Variants in UBE3A observed in about 807,000 individuals in gnomAD.
UBE3A encodes the protein ubiquitin protein ligase E3A, also known as ubiquitin-protein ligase E3A.
UBE3A carries 6 observed loss-of-function variants against 83.4 expected under a neutral mutation model. The ratio of observed to expected loss-of-function variants is 0.07; its 90% CI spans 0.04 to 0.14. UBE3A has a LOEUF of 0.14. Ranked by LOEUF, UBE3A falls within the 10% of genes least tolerant of loss-of-function variation. The pLI is 1.00. For synonymous variants in UBE3A, 337 were observed against 355.4 expected (o/e 0.95, Z 0.58); for missense variants, 456 against 1,036.1 (o/e 0.44, Z 7.69).
chr15:25,403,567 T>TA (rs1323275758), intron 4 of UBE3A, among the ~76,000 whole-genome samples: 1 of 152,048 alleles, frequency 6.6e-6, no homozygotes, highest in Non-Finnish European at 1.5e-5. Flanking sequence ...CTCAAAATTT[T>TA]AAAAATAAAA....
Position 25,370,989 on chromosome 15 carries a change from T to A in UBE3A, c.1185A>T (p.Glu395Asp), listed in dbSNP as rs114056442. The A allele has an allele frequency of 1.2e-6, 2 of 1,614,122 alleles. No homozygotes were observed. Among genetic ancestry groups the A allele is most frequent in the Non-Finnish European group, 1.7e-6 (2 of 1,180,006 alleles). The change falls in exon 6 of 13, where the codon GAA becomes GAT. Residue 395 changes from glutamate to aspartate, a missense_variant. Glu to Asp is a conservative substitution (Grantham distance 45). Coordinates refer to ENST00000648336, the MANE Select transcript of UBE3A (RefSeq NM_130839.5). The surrounding 1 kb of genome is among the most constrained non-coding windows in gnomAD (Gnocchi z 4.2). ...GCTCGCTGGACTCAGGGATGGGCTC[T>A]TCATCATCTTCTTCATTGTGATTTG... is the stretch of plus-strand genomic sequence containing the variant. ...VDTNHNEEDD[E>D]EPIPESSELT...
At chr15:25,433,120 C>T (rs1298636956) in intron 1 of UBE3A, among the ~76,000 whole-genome samples, 3 of 151,926 alleles carry the variant, frequency 2.0e-5, no homozygotes, top group African/African-American at 7.3e-5. Context: ...ATCCATTGTC[C>T]ATGTCAAATG....
chr15:25,425,543 A>G (rs61998996), intron 1 of UBE3A, among the ~76,000 whole-genome samples: 38,829 of 152,036 alleles, frequency 0.26, 6,109 homozygotes, highest in South Asian at 0.41. Flanking sequence ...AGCTGTATGT[A>G]TATCAGTACT....
intron 4 of UBE3A, among the ~76,000 whole-genome samples, chr15:25,402,017 TG>T (rs1470518573): frequency 3.1e-4 from 47 of 152,210 alleles, no homozygotes; most frequent in African/African-American, 1.1e-3. Flanking sequence ...TTGAATTCTT[TG>T]TCAGGCAGTT....
At chr15:25,349,640 A>C (rs1203830018) in intron 11 of UBE3A, among the ~76,000 whole-genome samples, 1 of 152,190 alleles carries the variant, frequency 6.6e-6, no homozygotes, top group Admixed American at 6.5e-5. Context: ...AATTTCATAG[A>C]TACAATACTC....
chr15:25,348,183 A>C (rs570785532), intron 11 of UBE3A, among the ~76,000 whole-genome samples: 1 of 152,314 alleles, frequency 6.6e-6, no homozygotes, highest in East Asian at 1.9e-4. Flanking sequence ...TAGAGCCTCA[A>C]AATAAATGAA....
intron 1 of UBE3A, chr15:25,412,921 T>C: frequency 5.2e-6 from 2 of 385,228 alleles, no homozygotes; most frequent in Non-Finnish European, 1.0e-5. Context: ...ATTCAGTGCA[T>C]GAAGTAGGGG....
intron 1 of UBE3A, among the ~76,000 whole-genome samples, chr15:25,423,693 T>C (rs754797456): frequency 9.3e-4 from 141 of 152,060 alleles, no homozygotes; most frequent in Admixed American, 2.7e-3. Context: ...TTTCCTCTTT[T>C]CCCCCCACAA....
intron 4 of UBE3A, among the ~76,000 whole-genome samples, chr15:25,398,082 T>A (rs935122832): frequency 7.0e-6 from 1 of 143,782 alleles, no homozygotes; most frequent in African/African-American, 2.6e-5. Context: ...GGCAGGAGAA[T>A]CATTTGAACC....
rs1372795466 is a variant in UBE3A at position 25,337,850 on chromosome 15, G to A, written c.*1287C>T. 6.6e-6 allele frequency: 1 copy of A among 152,064 alleles called. No individual in the cohort carries two copies. Among genetic ancestry groups the A allele is most frequent in the African/African-American group, 2.4e-5 (1 of 41,426 alleles). 9.4% of individuals were successfully genotyped at this position (152,064 alleles called of 1,614,324 possible). A position where few individuals can be genotyped will look rare whatever the true frequency, so the allele number is the denominator to read the frequency against. On this transcript the variant is annotated 3_prime_UTR_variant, in exon 13 of 13. Transcript: ENST00000648336. The stretch of plus-strand genomic sequence containing the variant: ...ATCACATACACAGAAGACTAGGAAA[G>A]GGGAAACTACTTACTTCTGGAAATC...
At chr15:25,376,728 ACCT>A (rs1395175527) in intron 4 of UBE3A, among the ~76,000 whole-genome samples, 24 of 118,742 alleles carry the variant, frequency 2.0e-4, no homozygotes, top group African/African-American at 6.7e-4. Context: ...TTGTCACTAA[ACCT>A]CCTCATTAGT....
chr15:25,355,242 T>A (rs1275214362), intron 9 of UBE3A, among the ~76,000 whole-genome samples: 1 of 152,194 alleles, frequency 6.6e-6, no homozygotes, highest in Non-Finnish European at 1.5e-5. Flanking sequence ...AGCTGCCTAC[T>A]GTATCCAGTT....
chr15:25,412,068 A>G (rs2090095941), intron 1 of UBE3A, 97 bp from the exon 2 acceptor site: 1 of 152,210 alleles, frequency 6.6e-6, no homozygotes, highest in African/African-American at 2.4e-5. Flanking sequence ...AGGCAAATTT[A>G]TTTTCTATAA....
intron 7 of UBE3A, among the ~76,000 whole-genome samples, chr15:25,358,729 T>TA (rs1417925187): frequency 5.3e-5 from 8 of 152,214 alleles, no homozygotes; most frequent in African/African-American, 1.9e-4. Flanking sequence ...CCTTGATCAC[T>TA]AGGAGTATGA....
intron 11 of UBE3A, among the ~76,000 whole-genome samples, chr15:25,343,411 G>T (rs560363925): frequency 3.9e-4 from 59 of 152,142 alleles, no homozygotes; most frequent in Admixed American, 1.6e-3. Flanking sequence ...AGAAAGAAAT[G>T]AGCACATCTT....
Position 25,336,875 on chromosome 15 carries a change from T to G in UBE3A, c.*2262A>C, listed in dbSNP as rs1268852538. On this transcript the variant is annotated 3_prime_UTR_variant, in exon 13 of 13. Transcript: ENST00000648336. ...AGTACCTGGGCAAAAAAAGTACTTT[T>G]ATAACATAACATTTGGGGTAGAGGA... is the stretch of plus-strand genomic sequence containing the variant. The G allele has an allele frequency of 1.3e-5, 2 of 152,166 alleles. No homozygotes were observed. The highest frequency in any genetic ancestry group is 2.9e-5 in the Non-Finnish European group (2 of 68,018). 9.4% of individuals were successfully genotyped at this position (152,166 alleles called of 1,614,324 possible). A position where few individuals can be genotyped will look rare whatever the true frequency, so the allele number is the denominator to read the frequency against.
At chr15:25,377,905 G>C (rs2081483459) in intron 4 of UBE3A, among the ~76,000 whole-genome samples, 1 of 152,134 alleles carries the variant, frequency 6.6e-6, no homozygotes, top group Middle Eastern at 3.2e-3. Flanking sequence ...CAGTTAAAAA[G>C]TAGCAGGTGT....
At position 25,371,787 on chromosome 15, in the gene UBE3A, C is replaced by T; in HGVS notation, c.387G>A (p.Lys129=). ...TACATAATTCAAGAATTTCATATAC[C>T]TTCTCTTCTGTTAAGTAAGTCACAT... The part of the protein sequence containing the change: ...FKDVTYLTEE[K]VYEILELCRE... Residue 129 remains lysine, a synonymous_variant, in exon 6 of 13, where the codon AAG becomes AAA. Coordinates refer to ENST00000648336, the MANE Select transcript of UBE3A (RefSeq NM_130839.5). This position sits in a 1 kb window ranked among gnomAD's most constrained non-coding sequence, Gnocchi z 5.3. 5.6e-6 allele frequency: 9 copies of T among 1,611,160 alleles called. No individual in the cohort carries two copies. Among genetic ancestry groups the T allele is most frequent in the Non-Finnish European group, 6.8e-6 (8 of 1,179,710 alleles).
Position 25,370,110 on chromosome 15 carries a change from A to G in UBE3A, c.1608+456T>C, listed in dbSNP as rs1389424926. On this transcript the variant is annotated intron_variant, in intron 6 of 12. Transcript: ENST00000648336. This position sits in a 1 kb window ranked among gnomAD's most constrained non-coding sequence, Gnocchi z 4.2. ...CTGATCTGCCATGGTCACTTCATCA[A>G]GTCCACAATAATGCAACTCTGAATT... Among the ~76,000 whole-genome samples the G allele has an allele frequency of 1.3e-5, 2 of 152,212 alleles. No homozygotes were observed. Among genetic ancestry groups the G allele is most frequent in the Non-Finnish European group, 2.9e-5 (2 of 68,024 alleles).
Sources: allele counts gnomAD v4.1 joint callset (sites outside exome capture counted in the v4.1 genomes callset), GRCh38; gene constraint gnomAD v4.1.1; non-coding constraint Gnocchi (gnomAD v3.1); transcripts MANE v1.5; gene names NCBI Gene and HGNC (gene_info 2026-07-23, HGNC 2026-07-21).